Variants in SLC6A9 observed in about 807,000 individuals in gnomAD.
The protein encoded by SLC6A9 is sodium- and chloride-dependent glycine transporter 1.
SLC6A9 carries 31 observed loss-of-function variants against 70.9 expected under a neutral mutation model. That is an observed-to-expected ratio of 0.44 (90% CI 0.33 to 0.59). The LOEUF is 0.59. SLC6A9 is among the 20% of genes least tolerant of loss of function. SLC6A9 has a pLI of 0.04. For synonymous variants in SLC6A9, 310 were observed against 341.3 expected (o/e 0.91, Z 1.01); for missense variants, 631 against 845.2 (o/e 0.75, Z 3.14).
rs1373077270 is a variant in SLC6A9, at chr1:44,031,436, G to C, written c.-216C>G. 2.0e-5 allele frequency: 3 copies of C among 152,526 alleles called. No individual in the cohort carries two copies. The highest frequency in any genetic ancestry group is 1.3e-4 in the Admixed American group (2 of 15,292). The allele number at this position is 152,526 out of a possible 1,614,324, so 9.4% of individuals were successfully genotyped here. A position where few individuals can be genotyped will look rare whatever the true frequency, so the allele number is the denominator to read the frequency against. On this transcript the variant is annotated 5_prime_UTR_variant, in exon 1 of 14. Transcript: ENST00000372310. ...CCGAGTTCGCCCGCCCCGCCGCGCCGCTCGCAGCTCTTCCACAGCCTGTTG... is the reference window on the plus strand; with the variant it reads ...CCGAGTTCGCCCGCCCCGCCGCGCCCCTCGCAGCTCTTCCACAGCCTGTTG...
intron 12 of SLC6A9, among the ~76,000 whole-genome samples, chr1:43,998,987 G>GC (rs1246024410): frequency 1.3e-5 from 2 of 151,612 alleles, no homozygotes; most frequent in South Asian, 2.1e-4. Context: ...GGGGAAGGGG[G>GC]GGGGCAGTCC....
chr1:44,000,664 C>T (rs917944819), intron 12 of SLC6A9, 103 bp downstream of exon 12: 8 of 755,588 alleles, frequency 1.1e-5, no homozygotes, highest in African/African-American at 3.5e-5. Flanking sequence ...TATGGAGCTC[C>T]GGCCAGGTGC....
rs2154305577 is a variant in SLC6A9 at position 44,008,487 on chromosome 1, G to A, written c.456C>T (p.Asn152=). ...CCAGTACACCGGCGCAGTCATGCGT[G>A]TTCCAGGGGTTATTGCAGTAGGCCC... ...LPWAYCNNPW[N]THDCAGVLDA... The change falls in exon 5 of 14, where the codon AAC becomes AAT. Residue 152 remains asparagine (N), a synonymous_variant. Coordinates refer to ENST00000372310, the MANE Select transcript of SLC6A9 (RefSeq NM_001024845.3). 6.2e-7 allele frequency: 1 copy of A among 1,614,204 alleles called. No homozygotes were observed. Among genetic ancestry groups the A allele is most frequent in the South Asian group, 1.1e-5 (1 of 91,084 alleles).
At chr1:44,027,796 T>C (rs1395006049) in intron 1 of SLC6A9, among the ~76,000 whole-genome samples, 2 of 152,130 alleles carry the variant, frequency 1.3e-5, no homozygotes, top group East Asian at 3.9e-4. Context: ...GCTAACATGG[T>C]GAAGGCCCGT....
intron 2 of SLC6A9, among the ~76,000 whole-genome samples, chr1:44,015,194 G>A (rs1242667155): frequency 6.6e-6 from 1 of 152,196 alleles, no homozygotes; most frequent in Non-Finnish European, 1.5e-5. Context: ...CCTACTCCCA[G>A]AGCGAACCGG....
intron 9 of SLC6A9, 36 bp from the exon 10 acceptor site, chr1:44,001,334 C>T (rs767243453): frequency 2.1e-5 from 34 of 1,613,932 alleles, no homozygotes; most frequent in Non-Finnish European, 2.9e-5. Context: ...AGACCTGCCC[C>T]TTGTTCCTGT....
chr1:44,019,817 T>A (rs1432421268), intron 2 of SLC6A9, among the ~76,000 whole-genome samples: 1 of 152,046 alleles, frequency 6.6e-6, no homozygotes, highest in Non-Finnish European at 1.5e-5. Flanking sequence ...GAGGCTAGGG[T>A]CTTTGTTGTC....
intron 1 of SLC6A9, among the ~76,000 whole-genome samples, chr1:44,030,125 A>G (rs2087070737): frequency 6.6e-6 from 1 of 151,836 alleles, no homozygotes; most frequent in Non-Finnish European, 1.5e-5. Flanking sequence ...CGCCGGCCCG[A>G]GGCGCGGAGG....
chr1:44,026,714 C>T (rs542999675), intron 1 of SLC6A9, among the ~76,000 whole-genome samples: 46 of 152,216 alleles, frequency 3.0e-4, no homozygotes, highest in African/African-American at 1.0e-3. Context: ...TTATTAAGCC[C>T]GCTGGTCAGG....
At chr1:44,016,192 G>A (rs2086735854) in intron 2 of SLC6A9, among the ~76,000 whole-genome samples, 1 of 152,218 alleles carries the variant, frequency 6.6e-6, no homozygotes, top group Admixed American at 6.5e-5. Context: ...ACAAGCCCAG[G>A]AGGGAAGACT....
intron 2 of SLC6A9, 137 bp downstream of exon 2, chr1:44,024,111 C>T (rs2086937813): frequency 2.3e-6 from 2 of 868,988 alleles, no homozygotes; most frequent in African/African-American, 1.6e-5. Context: ...GGGCTACCTG[C>T]CCAGGCCGGG....
Position 43,997,498 on chromosome 1 carries a change from G to A in SLC6A9, c.*47C>T, listed in dbSNP as rs2248253. On this transcript the variant is annotated 3_prime_UTR_variant, in exon 14 of 14. Coordinates refer to ENST00000372310, the MANE Select transcript of SLC6A9 (RefSeq NM_001024845.3). The surrounding 1 kb of genome is among the most constrained non-coding windows in gnomAD (Gnocchi z 4.4). ...TGGCCTCTGCCTCACCAGTCTCTGC[G>A]GTGGGAGCACGGGGTGGGGGTGGGG... 134,294 of 1,549,872 alleles carry A rather than the reference G, an allele frequency of 0.087. 7,494 individuals are homozygous for A. Among genetic ancestry groups the A allele is most frequent in the African/African-American group, 0.23 (17,079 of 73,302 alleles).
chr1:44,002,452 C>T lies in SLC6A9; in HGVS notation c.859-36G>A, dbSNP rs751545983. On this transcript the variant is annotated intron_variant, in intron 7 of 13. Coordinates refer to ENST00000372310, the MANE Select transcript of SLC6A9 (RefSeq NM_001024845.3). The surrounding 1 kb of genome is among the most constrained non-coding windows in gnomAD (Gnocchi z 5.5). ...GGACCGGTGGGTGAGGAGCTGTGGGCAGAGGCAGGCACCTCCCTGGCCCCT... is the reference window on the plus strand; with the variant it reads ...GGACCGGTGGGTGAGGAGCTGTGGGTAGAGGCAGGCACCTCCCTGGCCCCT... The T allele has an allele frequency of 6.2e-7, 1 of 1,612,584 alleles. No individual in the cohort carries two copies. The highest frequency in any genetic ancestry group is 2.2e-5 in the East Asian group (1 of 44,868).
chr1:44,007,369 G>A (rs1010721493), intron 5 of SLC6A9, among the ~76,000 whole-genome samples: 1 of 152,198 alleles, frequency 6.6e-6, no homozygotes, highest in African/African-American at 2.4e-5. Flanking sequence ...AGGCGTGAAT[G>A]TTGTGGAATA....
chr1:44,001,345 C>T (rs1167633974), intron 9 of SLC6A9, 45 bp downstream of exon 9: 2 of 1,613,420 alleles, frequency 1.2e-6, no homozygotes, highest in Non-Finnish European at 8.5e-7. Flanking sequence ...TTGTTCCTGT[C>T]CCCTCCCTTC....
In SLC6A9 at chr1:44,001,264, A is replaced by G; in HGVS notation, c.1235T>C (p.Val412Ala). The G allele has an allele frequency of 6.2e-7, 1 of 1,614,200 alleles. No homozygotes were observed. Among genetic ancestry groups the G allele is most frequent in the Non-Finnish European group, 8.5e-7 (1 of 1,180,034 alleles). Reference protein sequence around the residue: ...CLLETLVTAIVDEVGNEWILQ... With the variant: ...CLLETLVTAIADEVGNEWILQ... The stretch of plus-strand genomic sequence containing the variant: ...GATCCACTCATTCCCCACCTCATCC[A>G]CAATGGCTGTGACCAGCGTCTCCAG... The change falls in exon 10 of 14, where the codon GTG becomes GCG. Residue 412 changes from valine (V) to alanine (A), a missense_variant. By Grantham distance (64) the Val-to-Ala change is moderately conservative. Transcript: ENST00000372310.
chr1:43,997,802 T>G lies in SLC6A9; in HGVS notation c.1707+53A>C. On this transcript the variant is annotated intron_variant, in intron 13 of 13. Transcript: ENST00000372310. The surrounding 1 kb of genome is among the most constrained non-coding windows in gnomAD (Gnocchi z 4.4). ...GTCAGGAGGGAGCCCTTAAGCCCCTTCCAGCTGGCCCCTCCCATTTTGCCT... is the reference window on the plus strand; with the variant it reads ...GTCAGGAGGGAGCCCTTAAGCCCCTGCCAGCTGGCCCCTCCCATTTTGCCT... 6.3e-7 allele frequency: 1 copy of G among 1,588,298 alleles called. No individual in the cohort carries two copies. Among genetic ancestry groups the G allele is most frequent in the East Asian group, 2.2e-5 (1 of 44,522 alleles).
At chr1:44,008,691 CT>C (rs908542965) in intron 4 of SLC6A9, 68 bp from the exon 5 acceptor site, 57 of 1,218,694 alleles carry the variant, frequency 4.7e-5, no homozygotes, top group African/African-American at 5.7e-5. Context: ...TTAATAATTT[CT>C]TTTTTTTCTT....
Position 44,018,509 on chromosome 1 carries a change from G to A in SLC6A9, c.30+5739C>T, listed in dbSNP as rs1207455774. ...CTCGGGAGGCTGAGGCGGGAGAATCGCTTGAACCCGGGAGGTGGAGGTTGC... is the reference window on the plus strand; with the variant it reads ...CTCGGGAGGCTGAGGCGGGAGAATCACTTGAACCCGGGAGGTGGAGGTTGC... On this transcript the variant is annotated intron_variant, in intron 2 of 13. Coordinates refer to ENST00000372310, the MANE Select transcript of SLC6A9 (RefSeq NM_001024845.3). This position sits in a 1 kb window ranked among gnomAD's most constrained non-coding sequence, Gnocchi z 4.2. Among the ~76,000 whole-genome samples, 5 of 151,796 alleles carry A rather than the reference G, an allele frequency of 3.3e-5. No homozygotes were observed. The highest frequency in any genetic ancestry group is 7.3e-5 in the African/African-American group (3 of 41,314).
Sources: allele counts gnomAD v4.1 joint callset (sites outside exome capture counted in the v4.1 genomes callset), GRCh38; gene constraint gnomAD v4.1.1; non-coding constraint Gnocchi (gnomAD v3.1); transcripts MANE v1.5; gene names NCBI Gene and HGNC (gene_info 2026-07-23, HGNC 2026-07-21).